The following SRL variants were observed in gnomAD, a reference collection of about 807,000 sequenced individuals.
The protein encoded by SRL is sarcalumenin.
A neutral mutation model predicts 39.5 loss-of-function variants in SRL; 23 were observed. That is an observed-to-expected ratio of 0.58 (90% confidence interval 0.42 to 0.82). The LOEUF (loss-of-function observed/expected upper bound fraction) is 0.82. Ranked by LOEUF, SRL falls within the 40% of genes least tolerant of loss-of-function variation. SRL has a pLI of 0.00. For missense variants in SRL, 592 were observed against 607.8 expected, an observed-to-expected ratio of 0.97 and a Z score of 0.27; for synonymous variants, 272 against 237.4, an observed-to-expected ratio of 1.15 and a Z score of -1.34.
At chr16:4,201,522 T>G (rs62039292) in intron 3 of SRL, among the ~76,000 whole-genome samples, 1 of 124,072 alleles carries the variant, frequency 8.1e-6, no homozygotes, top group Non-Finnish European at 1.7e-5. Flanking sequence ...AGGGATCTGC[T>G]CGCCTCAGCC....
At chr16:4,238,766 G>A (rs1233284694) in intron 1 of SRL, among the ~76,000 whole-genome samples, 2 of 151,564 alleles carry the variant, frequency 1.3e-5, no homozygotes, top group African/African-American at 2.4e-5. Context: ...GGGACCACAG[G>A]CATGCACCCC....
chr16:4,211,141 G>T lies in SRL; in HGVS notation c.62-6507C>A, dbSNP rs2052386979. Among the ~76,000 whole-genome samples the T allele has an allele frequency of 6.6e-5, 10 of 151,382 alleles. No homozygotes were observed. In the South Asian group the frequency reaches 1.9e-3, roughly 28 times the overall value. On this transcript the variant is annotated intron_variant, in intron 1 of 5. Coordinates refer to ENST00000399609, the MANE Select transcript of SRL (RefSeq NM_001098814.2). ...GCAGTTTTGATTTAAATAATCCAGG[G>T]TATAGCACCAGCATCATGATTAAAA... is the stretch of plus-strand genomic sequence containing the variant.
chr16:4,212,104 C>G (rs2052401119), intron 1 of SRL, among the ~76,000 whole-genome samples: 1 of 152,158 alleles, frequency 6.6e-6, no homozygotes, highest in Non-Finnish European at 1.5e-5. Context: ...CTCCTGCGCC[C>G]TGGGCAGGAA....
intron 1 of SRL, among the ~76,000 whole-genome samples, chr16:4,240,464 G>A (rs1411167702): frequency 6.6e-6 from 1 of 152,190 alleles, no homozygotes; most frequent in Admixed American, 6.5e-5. Context: ...GAAACCCACA[G>A]CCCAAGTGCT....
At chr16:4,225,174 T>G (rs1279863863) in intron 1 of SRL, among the ~76,000 whole-genome samples, 1 of 152,098 alleles carries the variant, frequency 6.6e-6, no homozygotes, top group Non-Finnish European at 1.5e-5. Flanking sequence ...TGTTCTAAAA[T>G]TGACTGTGTT....
At chr16:4,230,205 C>T (rs1309981268) in intron 1 of SRL, among the ~76,000 whole-genome samples, 1 of 152,094 alleles carries the variant, frequency 6.6e-6, no homozygotes, top group African/African-American at 2.4e-5. Context: ...CACACTTGCC[C>T]GGGTGTGTCT....
intron 1 of SRL, among the ~76,000 whole-genome samples, chr16:4,241,763 T>C (rs2052775715): frequency 6.6e-6 from 1 of 152,142 alleles, no homozygotes; most frequent in South Asian, 2.1e-4. Flanking sequence ...ACAGCTCAGC[T>C]CTGTTTGCCG....
At chr16:4,220,114 C>T (rs1362153063) in intron 1 of SRL, among the ~76,000 whole-genome samples, 2 of 152,042 alleles carry the variant, frequency 1.3e-5, no homozygotes, top group African/African-American at 4.8e-5. Flanking sequence ...GTACAGGTGT[C>T]CAGAACACCC....
intron 1 of SRL, among the ~76,000 whole-genome samples, chr16:4,204,882 T>C (rs1472704711): frequency 6.6e-6 from 1 of 152,214 alleles, no homozygotes; most frequent in Non-Finnish European, 1.5e-5. Flanking sequence ...CTTATCTATT[T>C]ATTTCATATA....
At chr16:4,211,416 T>G (rs145021404) in intron 1 of SRL, among the ~76,000 whole-genome samples, 9 of 152,300 alleles carry the variant, frequency 5.9e-5, no homozygotes, top group Admixed American at 2.0e-4. Flanking sequence ...TGTCCTTCAA[T>G]GATGATGGTG....
At chr16:4,231,853 T>C (rs2052662762) in intron 1 of SRL, among the ~76,000 whole-genome samples, 1 of 152,192 alleles carries the variant, frequency 6.6e-6, no homozygotes, top group Non-Finnish European at 1.5e-5. Flanking sequence ...CCTTTTAAGC[T>C]TAGAAAGTAT....
Position 4,192,869 on chromosome 16 carries a change from G to A in SRL, c.706C>T (p.Leu236=). The A allele has an allele frequency of 6.2e-7, 1 of 1,614,168 alleles. No homozygotes were observed. The change falls in exon 6 of 6, where the codon CTG becomes TTG. Residue 236 remains leucine (L), a synonymous_variant. Transcript: ENST00000399609. The surrounding 1 kb of genome is among the most constrained non-coding windows in gnomAD (Gnocchi z 4.0). ...TTCAACTGGCGGAAGAGCATCTCCAGCTCTAGACCCACATCCAGCTTTGTT... is the reference window on the plus strand; with the variant it reads ...TTCAACTGGCGGAAGAGCATCTCCAACTCTAGACCCACATCCAGCTTTGTT... ...DPTKLDVGLE[L]EMLFRQLKGR...
intron 5 of SRL, 26 bp downstream of exon 5, chr16:4,195,527 C>G (rs146996531): frequency 8.7e-6 from 14 of 1,609,466 alleles, no homozygotes; most frequent in South Asian, 6.6e-5. Context: ...AGAGCTTACA[C>G]TGTTCAGAAA....
chr16:4,239,686 C>CAGACTGAGAGAGACAGACTGAG (rs1279014198), intron 1 of SRL: 4 of 152,322 alleles, frequency 2.6e-5, no homozygotes, highest in Admixed American at 2.6e-4. Flanking sequence ...CACAGAGAGA[C>CAGACTGAGAGAGACAGACTGAG]GGGCTGAGGA....
chr16:4,203,269 CAG>C lies in SRL; in HGVS notation c.164-10_164-9del, dbSNP rs1477535167. 1 of 1,613,062 alleles carries C rather than the reference CAG, an allele frequency of 6.2e-7. No homozygotes were observed. Among genetic ancestry groups the C allele is most frequent in the African/African-American group, 1.3e-5 (1 of 74,910 alleles). ...GAAGCCGCTGCAGCACCGCTGGAGACAGAGAGGGCCGGGGGAAGAGCATCACG... is the reference window on the plus strand; with the variant it reads ...GAAGCCGCTGCAGCACCGCTGGAGACAGAGGGCCGGGGGAAGAGCATCACG... On this transcript the variant is annotated splice_polypyrimidine_tract_variant and intron_variant, in intron 2 of 5. Transcript: ENST00000399609.
In SRL at chr16:4,197,765, C is replaced by A. The variant is rs779462574; in HGVS notation, c.376+34G>T. On this transcript the variant is annotated intron_variant, in intron 4 of 5. Coordinates refer to ENST00000399609, the MANE Select transcript of SRL (RefSeq NM_001098814.2). The stretch of plus-strand genomic sequence containing the variant: ...TCATGGTGCTTTTACATACAACATT[C>A]AAATCCCAACAATCACACAAGAATA... The A allele has an allele frequency of 2.1e-6, 3 of 1,440,224 alleles. No individual in the cohort carries two copies. The African/African-American group carries it at 4.2e-5, about 20-fold the overall frequency. The allele number at this position is 1,440,224 out of a possible 1,614,324, so 89.2% of individuals were successfully genotyped here.
At chr16:4,239,712 G>A (rs1367769600) in intron 1 of SRL, 2 of 152,416 alleles carry the variant, frequency 1.3e-5, no homozygotes, top group African/African-American at 4.8e-5. Flanking sequence ...GAGGACCCTG[G>A]CCCGGGTGTG....
Position 4,204,516 on chromosome 16 carries a change from C to G in SRL, c.163+17G>C. On this transcript the variant is annotated intron_variant, in intron 2 of 5. Coordinates refer to ENST00000399609, the MANE Select transcript of SRL (RefSeq NM_001098814.2). ...CGGGCTCTCCCAGCCCTGGGCATAT[C>G]TCCCTCCCCTGGTTACCAGAGTAGT... 6.2e-7 allele frequency: 1 copy of G among 1,607,900 alleles called. No individual in the cohort carries two copies. The highest frequency in any genetic ancestry group is 1.1e-5 in the South Asian group (1 of 90,868).
intron 1 of SRL, among the ~76,000 whole-genome samples, chr16:4,233,111 A>AT (rs1162569910): frequency 1.3e-5 from 2 of 152,242 alleles, no homozygotes; most frequent in African/African-American, 4.8e-5. Flanking sequence ...AAAACAGGCT[A>AT]GAGTCTTCAG....
Sources: allele counts gnomAD v4.1 joint callset (sites outside exome capture counted in the v4.1 genomes callset), GRCh38; gene constraint gnomAD v4.1.1; non-coding constraint Gnocchi (gnomAD v3.1); transcripts MANE v1.5; gene names NCBI Gene and HGNC (gene_info 2026-07-23, HGNC 2026-07-21).